Variants in KATNA1 observed in about 807,000 individuals in gnomAD.
The protein encoded by KATNA1 is katanin catalytic subunit A1, also known as katanin p60 ATPase-containing subunit A1.
A neutral mutation model predicts 62.6 loss-of-function variants in KATNA1; 42 were observed. The observed-to-expected ratio is 0.67, with a 90% confidence interval of 0.52 to 0.87. The LOEUF (loss-of-function observed/expected upper bound fraction) is 0.87, where lower values mean the gene tolerates loss of function less well. Among genes scored for constraint, KATNA1 ranks in the 40% least tolerant of loss-of-function variants. The pLI is 0.00. For synonymous variants in KATNA1, 186 were observed against 201.9 expected (o/e 0.92, Z 0.67); for missense variants, 498 against 612.5 (o/e 0.81, Z 1.97).
At chr6:149,626,395 C>T (rs981150582) in intron 3 of KATNA1, among the ~76,000 whole-genome samples, 4 of 140,118 alleles carry the variant, frequency 2.9e-5, no homozygotes, top group East Asian at 2.3e-4. Context: ...TCCGGGTTCA[C>T]GCCATTCTCC....
intron 7 of KATNA1, among the ~76,000 whole-genome samples, chr6:149,598,927 T>C (rs1401436848): frequency 6.6e-6 from 1 of 152,066 alleles, no homozygotes; most frequent in Non-Finnish European, 1.5e-5. Context: ...TGCAGTGATA[T>C]GATTTTGGCT....
intron 4 of KATNA1, among the ~76,000 whole-genome samples, chr6:149,611,566 G>T (rs144744847): frequency 1.6e-4 from 24 of 151,740 alleles, no homozygotes; most frequent in African/African-American, 5.8e-4. Flanking sequence ...AAAATTCAAT[G>T]AAACAAAGGA....
chr6:149,597,088 C>T lies in KATNA1; in HGVS notation c.1252G>A (p.Gly418Ser), dbSNP rs753867329. 5 of 1,614,038 alleles carry T rather than the reference C, an allele frequency of 3.1e-6. No homozygotes were observed. In the Admixed American group the frequency reaches 6.7e-5, roughly 22 times the overall value. ...SIAENMEGYS[G>S]ADITNVCRDA... ...CTGCACACGTTGGTAATGTCCGCAC[C>T]TGAATAACCTTCCATGTTTTCTGCT... is the stretch of plus-strand genomic sequence containing the variant. The change falls in exon 10 of 11, where the codon GGT (glycine) becomes AGT (serine). Residue 418 changes from glycine (G) to serine (S), a missense_variant. Transcript: ENST00000367411.
chr6:149,627,527 CAAAAAAA>C lies in KATNA1; in HGVS notation c.321-4251_321-4245del, dbSNP rs796916643. Among the ~76,000 whole-genome samples the C allele has an allele frequency of 7.4e-3, 518 of 69,580 alleles. 4 individuals carry two copies. The highest frequency in any genetic ancestry group is 0.012 in the Non-Finnish European group (389 of 32,996). The allele number at this position is 69,580 out of a possible 152,430, so 45.6% of individuals were successfully genotyped here. A position where few individuals can be genotyped will look rare whatever the true frequency, so the allele number is the denominator to read the frequency against. On this transcript the variant is annotated intron_variant, in intron 3 of 10. Transcript: ENST00000367411. ...TGGACGACAGAGTGAGACTCCATCT[CAAAAAAA>C]AAAAAAAAAAAAAAATTGTTGGGTA...
At chr6:149,643,386 T>C (rs1192176997) in intron 1 of KATNA1, among the ~76,000 whole-genome samples, 1 of 152,198 alleles carries the variant, frequency 6.6e-6, no homozygotes, top group Non-Finnish European at 1.5e-5. Flanking sequence ...AAAATGTCTG[T>C]TGTTTTAAGT....
intron 4 of KATNA1, among the ~76,000 whole-genome samples, chr6:149,612,770 G>A (rs1779008412): frequency 6.6e-6 from 1 of 151,960 alleles, no homozygotes; most frequent in Non-Finnish European, 1.5e-5. Flanking sequence ...GACCAAGTGA[G>A]AATTATTCCA....
chr6:149,639,712 C>G (rs1212457419), intron 1 of KATNA1, among the ~76,000 whole-genome samples: 3 of 152,202 alleles, frequency 2.0e-5, no homozygotes, highest in Non-Finnish European at 4.4e-5. Flanking sequence ...CCTAGTATGT[C>G]TACCCCCTGA....
intron 1 of KATNA1, among the ~76,000 whole-genome samples, chr6:149,640,428 A>T (rs749338686): frequency 2.6e-5 from 4 of 152,172 alleles, no homozygotes; most frequent in Non-Finnish European, 5.9e-5. Context: ...ACTGTACTCC[A>T]GCCTGGGCAA....
intron 4 of KATNA1, among the ~76,000 whole-genome samples, chr6:149,608,781 G>A (rs922749249): frequency 2.0e-5 from 3 of 152,134 alleles, no homozygotes; most frequent in Admixed American, 6.6e-5. Context: ...CCTGGAGAGC[G>A]TGTGGAGAAC....
rs9800580 is a variant in KATNA1, at chr6:149,632,845, C to T, written c.234G>A (p.Leu78=). Residue 78 remains leucine (L), a synonymous_variant, in exon 3 of 11, where the codon CTG becomes CTA. Transcript: ENST00000367411. ...GTGCCGCTTTCAAGGGAGTGCTGTC[C>T]AGTTTAAAGCTCTCTAGTGTTTTCA... is the stretch of plus-strand genomic sequence containing the variant. ...DIMKTLESFK[L]DSTPLKAAQH... is the part of the protein sequence containing the mutation. The T allele has an allele frequency of 0.39, 631,496 of 1,611,796 alleles. 132,704 individuals are homozygous for T. The highest frequency in any genetic ancestry group is 0.77 in the East Asian group (34,592 of 44,798).
intron 4 of KATNA1, among the ~76,000 whole-genome samples, chr6:149,619,463 A>G (rs1297397547): frequency 1.3e-5 from 2 of 152,224 alleles, no homozygotes; most frequent in East Asian, 3.9e-4. Flanking sequence ...AATACAAAAA[A>G]TTAGCTAGGC....
intron 4 of KATNA1, among the ~76,000 whole-genome samples, chr6:149,610,688 G>C (rs1171703695): frequency 1.3e-5 from 2 of 152,168 alleles, no homozygotes; most frequent in Non-Finnish European, 2.9e-5. Context: ...CAAAATTTCT[G>C]GGACACAGTT....
Position 149,632,915 on chromosome 6 carries a change from A to G in KATNA1, c.164T>C (p.Val55Ala). ...AGCTTCCACATTTATTTCCTGCCAA[A>G]CCTGATTTCAAAGAAGAAGATGGAT... ...DTYLQQKWQQ[V>A]WQEINVEAKH... Residue 55 changes from valine to alanine, a missense_variant and splice_region_variant, in exon 3 of 11, where the codon GTT (valine) becomes GCT (alanine). Coordinates refer to ENST00000367411, the MANE Select transcript of KATNA1 (RefSeq NM_007044.4). 1 of 1,598,392 alleles carries G rather than the reference A, an allele frequency of 6.3e-7. No homozygotes were observed. The highest frequency in any genetic ancestry group is 8.5e-7 in the Non-Finnish European group (1 of 1,175,726).
Position 149,594,922 on chromosome 6 carries a change from A to T in KATNA1, c.*114T>A, listed in dbSNP as rs1021655296. ...TATTCAGAATCATAAGGGTTTTTTT[A>T]AAAAAATCTTACCATTATGAAAGTT... On this transcript the variant is annotated 3_prime_UTR_variant, in exon 11 of 11. Transcript: ENST00000367411. 14 of 817,794 alleles carry T rather than the reference A, an allele frequency of 1.7e-5. No individual in the cohort carries two copies. Among genetic ancestry groups the T allele is most frequent in the South Asian group, 6.5e-5 (3 of 46,426 alleles). 50.7% of individuals were successfully genotyped at this position (817,794 alleles called of 1,614,324 possible). A position where few individuals can be genotyped will look rare whatever the true frequency, so the allele number is the denominator to read the frequency against.
intron 9 of KATNA1, 89 bp from the exon 10 acceptor site, chr6:149,597,278 C>T (rs1412387525): frequency 5.6e-5 from 79 of 1,404,630 alleles, no homozygotes; most frequent in Non-Finnish European, 7.4e-5. Flanking sequence ...GAGATGTTGT[C>T]TTCCAGTAAG....
intron 3 of KATNA1, among the ~76,000 whole-genome samples, chr6:149,623,996 T>A (rs1259649477): frequency 6.6e-6 from 1 of 152,218 alleles, no homozygotes; most frequent in Non-Finnish European, 1.5e-5. Context: ...ATGGTATGTA[T>A]GTAATTTGGT....
chr6:149,637,218 C>G (rs766864633), intron 2 of KATNA1, among the ~76,000 whole-genome samples: 5 of 151,562 alleles, frequency 3.3e-5, no homozygotes, highest in Non-Finnish European at 7.4e-5. Flanking sequence ...TTGAGACCAG[C>G]CTGGCAAACA....
intron 6 of KATNA1, among the ~76,000 whole-genome samples, chr6:149,602,596 T>C (rs369785435): frequency 6.6e-4 from 101 of 152,294 alleles, no homozygotes; most frequent in African/African-American, 1.9e-3. Flanking sequence ...CATTAATTTA[T>C]TGAGAACAAT....
chr6:149,596,075 CAA>C (rs1435394074), intron 10 of KATNA1, among the ~76,000 whole-genome samples: 1 of 152,086 alleles, frequency 6.6e-6, no homozygotes, highest in Non-Finnish European at 1.5e-5. Context: ...TTATTTAATC[CAA>C]GACAATTACT....
Sources: gnomAD v4.1 joint callset for allele counts (sites outside exome capture counted in the v4.1 genomes callset) on GRCh38, gnomAD v4.1.1 for gene constraint, MANE v1.5 for transcripts, NCBI Gene and HGNC (gene_info 2026-07-23, HGNC 2026-07-21) for gene names.